Variants in PCSK5 observed in about 807,000 individuals in gnomAD.
PCSK5 encodes prohormone convertase 5.
A neutral mutation model predicts 233.2 loss-of-function variants in PCSK5; 129 were observed. The ratio of observed to expected loss-of-function variants is 0.55; its 90% confidence interval spans 0.48 to 0.64. PCSK5 has a LOEUF of 0.64. Ranked by LOEUF, PCSK5 falls within the 30% of genes least tolerant of loss-of-function variation. The pLI, the probability that PCSK5 is intolerant of heterozygous loss-of-function variation, is 0.00. For synonymous variants in PCSK5, 825 were observed against 879.2 expected (o/e 0.94, Z 1.09); for missense variants, 2,076 against 2,430.1 (o/e 0.85, Z 3.06).
intron 3 of PCSK5, among the ~76,000 whole-genome samples, chr9:75,994,613 G>A (rs1265506809): frequency 3.3e-5 from 5 of 151,468 alleles, no homozygotes; most frequent in Admixed American, 6.6e-5. Flanking sequence ...TAGTAGAGAC[G>A]GGGTGTCACC....
intron 3 of PCSK5, among the ~76,000 whole-genome samples, chr9:76,013,488 G>A (rs2131459067): frequency 6.6e-6 from 1 of 152,322 alleles, no homozygotes; most frequent in East Asian, 1.9e-4. Context: ...CTGTTCAGAA[G>A]TTCTGCAGAG....
chr9:76,142,104 C>G (rs969305993), intron 10 of PCSK5, among the ~76,000 whole-genome samples: 3 of 151,784 alleles, frequency 2.0e-5, no homozygotes, highest in African/African-American at 7.3e-5. Flanking sequence ...TATAACAAAC[C>G]TGCATATGTA....
At chr9:76,268,299 A>G (rs560627571) in intron 24 of PCSK5, among the ~76,000 whole-genome samples, 24 of 152,206 alleles carry the variant, frequency 1.6e-4, no homozygotes, top group Admixed American at 1.5e-3. Flanking sequence ...ACGCACATAC[A>G]CGTGCTTGTC....
At chr9:76,338,535 C>A in intron 35 of PCSK5, 88 bp downstream of exon 35, 2 of 911,382 alleles carry the variant, frequency 2.2e-6, no homozygotes, top group Non-Finnish European at 1.7e-6. Flanking sequence ...TTCTCACCAC[C>A]TGGGAGGTTC....
rs553206590 is a variant in PCSK5 at position 76,008,253 on chromosome 9, G to A, written c.412-15485G>A. ...TTTCTCCTGCTTATGTGTAATTTGA[G>A]GTTTGTTGTGTTCCTTTTTTCCTAC... On this transcript the variant is annotated intron_variant, in intron 3 of 37. Transcript: ENST00000674117. 1.5e-3 allele frequency among the ~76,000 whole-genome samples: 226 copies of A among 151,964 alleles called. 2 individuals carry two copies. The highest frequency in any genetic ancestry group is 2.7e-3 in the Non-Finnish European group (183 of 67,962).
At chr9:76,313,710 GTTT>G (rs1245963431) in intron 30 of PCSK5, among the ~76,000 whole-genome samples, 1 of 152,060 alleles carries the variant, frequency 6.6e-6, no homozygotes, top group Non-Finnish European at 1.5e-5. Flanking sequence ...GACAAAACAT[GTTT>G]TTTTCTGACA....
intron 34 of PCSK5, among the ~76,000 whole-genome samples, chr9:76,333,545 T>C (rs1203404028): frequency 6.6e-6 from 1 of 152,240 alleles, no homozygotes; most frequent in East Asian, 1.9e-4. Context: ...AAGGACTCTA[T>C]TATTTTTCTG....
At chr9:76,013,225 G>A (rs1827806698) in intron 3 of PCSK5, among the ~76,000 whole-genome samples, 1 of 152,090 alleles carries the variant, frequency 6.6e-6, no homozygotes, top group African/African-American at 2.4e-5. Context: ...CTTGTATTTT[G>A]CTAGGAAATA....
At chr9:75,925,649 G>A (rs1322795288) in intron 1 of PCSK5, among the ~76,000 whole-genome samples, 1 of 152,182 alleles carries the variant, frequency 6.6e-6, no homozygotes, top group Non-Finnish European at 1.5e-5. Flanking sequence ...TGAGAAGTGA[G>A]GAAGTGTGAG....
At chr9:76,042,981 C>A (rs1345185045) in intron 5 of PCSK5, among the ~76,000 whole-genome samples, 1 of 152,070 alleles carries the variant, frequency 6.6e-6, no homozygotes, top group African/African-American at 2.4e-5. Context: ...AGGTTTTAAT[C>A]CCAACCAATC....
chr9:76,219,311 T>C (rs1198537964), intron 20 of PCSK5, among the ~76,000 whole-genome samples: 1 of 152,056 alleles, frequency 6.6e-6, no homozygotes, highest in Non-Finnish European at 1.5e-5. Context: ...TTCCTTCCCA[T>C]GGGGCAATGG....
intron 1 of PCSK5, among the ~76,000 whole-genome samples, chr9:75,891,934 G>A (rs967973823): frequency 7.9e-5 from 12 of 152,060 alleles, no homozygotes; most frequent in African/African-American, 2.9e-4. Flanking sequence ...GAGAAAGGAG[G>A]GGGAGGGAAG....
intron 5 of PCSK5, among the ~76,000 whole-genome samples, chr9:76,040,407 C>CTG (rs1183489347): frequency 6.2e-5 from 8 of 128,510 alleles, no homozygotes; most frequent in Non-Finnish European, 9.6e-5. Context: ...CTCTCTCTCT[C>CTG]TCTCTCAACA....
At chr9:75,961,328 A>G (rs976436938) in intron 2 of PCSK5, among the ~76,000 whole-genome samples, 4 of 152,222 alleles carry the variant, frequency 2.6e-5, no homozygotes, top group South Asian at 4.1e-4. Flanking sequence ...CTTTCAGTCA[A>G]TTGGTGCCAA....
intron 10 of PCSK5, among the ~76,000 whole-genome samples, chr9:76,154,503 G>T (rs576395859): frequency 6.6e-6 from 1 of 152,088 alleles, no homozygotes; most frequent in Admixed American, 6.5e-5. Flanking sequence ...GGTGGGGCAC[G>T]TACCTGGTAT....
At chr9:76,145,152 G>A (rs1411056625) in intron 10 of PCSK5, among the ~76,000 whole-genome samples, 4 of 152,090 alleles carry the variant, frequency 2.6e-5, no homozygotes, top group Non-Finnish European at 5.9e-5. Context: ...AATATCTGTG[G>A]CTATTTCATC....
At chr9:76,289,468 A>ACC (rs1309661105) in intron 24 of PCSK5, among the ~76,000 whole-genome samples, 5 of 85,334 alleles carry the variant, frequency 5.9e-5, no homozygotes, top group African/African-American at 2.2e-4. Context: ...CATTCCCCTC[A>ACC]CCACACACAC....
At chr9:76,186,348 GGAATCAAGTGCCA>G (rs1007584315) in intron 17 of PCSK5, among the ~76,000 whole-genome samples, 2 of 151,860 alleles carry the variant, frequency 1.3e-5, no homozygotes, top group Non-Finnish European at 2.9e-5. Context: ...TGCCAGTAAT[GGAATCAAGTGCCA>G]ATTTTTCACA....
intron 2 of PCSK5, among the ~76,000 whole-genome samples, chr9:75,934,645 G>A (rs569578847): frequency 2.3e-4 from 35 of 151,646 alleles, no homozygotes; most frequent in East Asian, 1.7e-3. Context: ...GCAATGGCGC[G>A]ATCTCAGCTC....
Sources: gnomAD v4.1 joint callset for allele counts (sites outside exome capture counted in the v4.1 genomes callset) on GRCh38, gnomAD v4.1.1 for gene constraint, MANE v1.5 for transcripts, NCBI Gene and HGNC (gene_info 2026-07-23, HGNC 2026-07-21) for gene names.